Variants in PPP2R2B observed in about 807,000 individuals in gnomAD.
PPP2R2B encodes serine/threonine-protein phosphatase 2A 55 kDa regulatory subunit B beta isoform.
PPP2R2B carries 5 observed loss-of-function variants against 46.0 expected under a neutral mutation model. That is an observed-to-expected ratio of 0.11 (90% confidence interval 0.06 to 0.23). The LOEUF (loss-of-function observed/expected upper bound fraction) is 0.23. PPP2R2B is among the 10% of genes least tolerant of loss of function. The probability of loss-of-function intolerance (pLI) is 1.00; values close to 1 mark genes in which losing one functional copy is unlikely to be tolerated. For missense variants in PPP2R2B, 367 were observed against 575.0 expected (o/e 0.64, Z 3.70); for synonymous variants, 215 against 206.7 (o/e 1.04, Z -0.34).
chr5:147,069,788 T>TTTTTTTTTG (rs1409875061), intron 2 of PPP2R2B, among the ~76,000 whole-genome samples: 3 of 112,864 alleles, frequency 2.7e-5, no homozygotes, highest in East Asian at 2.2e-4. Context: ...TTATACTGTT[T>TTTTTTTTTG]TTTTTTTTTT....
chr5:147,064,107 G>A (rs946199956), intron 2 of PPP2R2B, among the ~76,000 whole-genome samples: 1 of 152,172 alleles, frequency 6.6e-6, no homozygotes, highest in Non-Finnish European at 1.5e-5. Context: ...TGTTTGGCCT[G>A]CAGAGTATTG....
At chr5:146,754,486 T>C (rs1753730615) in intron 2 of PPP2R2B, among the ~76,000 whole-genome samples, 1 of 152,184 alleles carries the variant, frequency 6.6e-6, no homozygotes, top group South Asian at 2.1e-4. Context: ...CCATATGTAG[T>C]GGTTTTAAAA....
intron 1 of PPP2R2B, among the ~76,000 whole-genome samples, chr5:146,955,942 C>T (rs996919224): frequency 6.6e-5 from 10 of 151,684 alleles, no homozygotes; most frequent in African/African-American, 2.4e-4. Context: ...CTGTGCCCGG[C>T]TAATTTTTGT....
chr5:146,864,580 T>G (rs1430112275), intron 2 of PPP2R2B, among the ~76,000 whole-genome samples: 1 of 152,088 alleles, frequency 6.6e-6, no homozygotes, highest in African/African-American at 2.4e-5. Flanking sequence ...CATATACTCA[T>G]CTACAAATGA....
chr5:147,062,990 G>GAAA (rs1757306240), intron 2 of PPP2R2B, among the ~76,000 whole-genome samples: 2 of 82,574 alleles, frequency 2.4e-5, no homozygotes, highest in Non-Finnish European at 2.2e-5. Flanking sequence ...GAGGGAGGGA[G>GAAA]GGAGGGAGGG....
At chr5:146,616,217 C>T (rs1773155538) in intron 7 of PPP2R2B, among the ~76,000 whole-genome samples, 1 of 152,146 alleles carries the variant, frequency 6.6e-6, no homozygotes, top group Non-Finnish European at 1.5e-5. Flanking sequence ...AATCACTCAA[C>T]ATATACAAAA....
intron 1 of PPP2R2B, among the ~76,000 whole-genome samples, chr5:146,969,784 A>G (rs551246454): frequency 6.6e-6 from 1 of 152,352 alleles, no homozygotes; most frequent in African/African-American, 2.4e-5. Flanking sequence ...GACAAAAGCA[A>G]CCAAGTAAAT....
At chr5:146,605,147 A>G (rs1341691044) in intron 7 of PPP2R2B, among the ~76,000 whole-genome samples, 1 of 152,194 alleles carries the variant, frequency 6.6e-6, no homozygotes, top group African/African-American at 2.4e-5. Context: ...TTTTCCACAA[A>G]TTAGTCTAAT....
rs955930324 is a variant in PPP2R2B at position 146,588,433 on chromosome 5, T to C, written c.*1514A>G. The C allele has an allele frequency of 3.9e-5, 6 of 152,208 alleles. No individual in the cohort carries two copies. Among genetic ancestry groups the C allele is most frequent in the African/African-American group, 1.4e-4 (6 of 41,452 alleles). 9.4% of individuals were successfully genotyped at this position (152,208 alleles called of 1,614,324 possible). ...CAGGACTTCTAATACATCTGTAAAC[T>C]GAAAGAAAATTTCCCTTTCATTGAA... On this transcript the variant is annotated 3_prime_UTR_variant, in exon 10 of 10. Transcript: ENST00000394411.
At chr5:146,807,320 T>C (rs966097441) in intron 2 of PPP2R2B, among the ~76,000 whole-genome samples, 2 of 152,134 alleles carry the variant, frequency 1.3e-5, no homozygotes, top group African/African-American at 2.4e-5. Flanking sequence ...TGGCAGTATG[T>C]TTTTGCTTAT....
At chr5:146,970,717 G>C (rs950767149) in intron 1 of PPP2R2B, among the ~76,000 whole-genome samples, 1 of 152,184 alleles carries the variant, frequency 6.6e-6, no homozygotes, top group African/African-American at 2.4e-5. Context: ...GTGTGGTGGT[G>C]AGGAACTTGC....
rs1183812954 is a variant in PPP2R2B, at chr5:146,582,691, C to G, written c.*7256G>C. 6.6e-6 allele frequency: 1 copy of G among 152,198 alleles called. No individual in the cohort carries two copies. The highest frequency in any genetic ancestry group is 1.5e-5 in the Non-Finnish European group (1 of 68,048). 9.4% of individuals were successfully genotyped at this position (152,198 alleles called of 1,614,324 possible). A position where few individuals can be genotyped will look rare whatever the true frequency, so the allele number is the denominator to read the frequency against. ...TTATTTGTTCATTCATTCAACAAAA[C>G]TTTTGAGCACCTACTATGAGCCAGA... is the stretch of plus-strand genomic sequence containing the variant. On this transcript the variant is annotated 3_prime_UTR_variant, in exon 10 of 10. Coordinates refer to ENST00000394411, the MANE Select transcript of PPP2R2B (RefSeq NM_181675.4).
At chr5:147,008,463 C>T (rs556243133) in intron 1 of PPP2R2B, among the ~76,000 whole-genome samples, 43 of 152,208 alleles carry the variant, frequency 2.8e-4, no homozygotes, top group Admixed American at 1.1e-3. Context: ...GCTGTCTTTC[C>T]TCATGCCTGC....
chr5:146,944,027 A>T (rs978419673), intron 1 of PPP2R2B, among the ~76,000 whole-genome samples: 1 of 152,206 alleles, frequency 6.6e-6, no homozygotes, highest in African/African-American at 2.4e-5. Flanking sequence ...TCCTGTCAGT[A>T]ACTTGCTATT....
At chr5:147,081,207 A>G (rs1757958760) in intron 1 of PPP2R2B, 3 of 1,535,428 alleles carry the variant, frequency 2.0e-6, no homozygotes, top group African/African-American at 1.4e-5. Context: ...ACCAACAAGA[A>G]AAGAAATATA....
chr5:147,069,079 G>A (rs1180487999), intron 2 of PPP2R2B, among the ~76,000 whole-genome samples: 1 of 152,146 alleles, frequency 6.6e-6, no homozygotes, highest in Non-Finnish European at 1.5e-5. Flanking sequence ...AAAGGACATG[G>A]TCAGGTCTAA....
chr5:146,585,256 G>GCA lies in PPP2R2B; in HGVS notation c.*4689_*4690dup, dbSNP rs1324613024. 1 of 36,326 alleles carries GCA rather than the reference G, an allele frequency of 2.8e-5. No homozygotes were observed. Among genetic ancestry groups the GCA allele is most frequent in the South Asian group, 1.0e-3 (1 of 954 alleles). The allele number at this position is 36,326 out of a possible 1,614,324, so 2.3% of individuals were successfully genotyped here. ...TCTGATCAGTAACTTCCATCTACAT[G>GCA]CATACACACACACACACACACACAC... On this transcript the variant is annotated 3_prime_UTR_variant, in exon 10 of 10. Transcript: ENST00000394411.
intron 1 of PPP2R2B, among the ~76,000 whole-genome samples, chr5:147,050,884 A>G (rs1257552718): frequency 6.6e-6 from 1 of 152,032 alleles, no homozygotes; most frequent in Admixed American, 6.6e-5. Context: ...ACTGGAAGAT[A>G]CTTGCTTTAA....
chr5:146,600,214 C>T lies in PPP2R2B; in HGVS notation c.960+77G>A, dbSNP rs575823844. On this transcript the variant is annotated intron_variant, in intron 8 of 9. Transcript: ENST00000394411. ...GCCTTCCATTTTGCTGCACTGTAAACCTTTGGAAGCAGGGGCTGACTTAAA... is the reference window on the plus strand; with the variant it reads ...GCCTTCCATTTTGCTGCACTGTAAATCTTTGGAAGCAGGGGCTGACTTAAA... 38 of 1,511,144 alleles carry T rather than the reference C, an allele frequency of 2.5e-5. No individual in the cohort carries two copies. The African/African-American group carries it at 5.3e-4, about 21-fold the overall frequency. The allele number at this position is 1,511,144 out of a possible 1,614,324, so 93.6% of individuals were successfully genotyped here. A position where few individuals can be genotyped will look rare whatever the true frequency, so the allele number is the denominator to read the frequency against.
Sources: allele counts gnomAD v4.1 joint callset (sites outside exome capture counted in the v4.1 genomes callset), GRCh38; gene constraint gnomAD v4.1.1; transcripts MANE v1.5; gene names NCBI Gene and HGNC (gene_info 2026-07-23, HGNC 2026-07-21).